SPACA7: variants seen among roughly 807,000 people sequenced by gnomAD.
The protein encoded by SPACA7 is sperm acrosome-associated protein 7.
A neutral mutation model predicts 26.3 loss-of-function variants in SPACA7; 19 were observed. The observed-to-expected ratio is 0.72, with a 90% CI of 0.50 to 1.06. The LOEUF (loss-of-function observed/expected upper bound fraction) is 1.06, where lower values mean the gene tolerates loss of function less well. Among genes scored for constraint, SPACA7 ranks in the 50% least tolerant of loss-of-function variants. The pLI is 0.00. For missense variants in SPACA7, 211 were observed against 229.9 expected, an observed-to-expected ratio of 0.92 and a Z score of 0.53; for synonymous variants, 84 against 84.5, an observed-to-expected ratio of 0.99 and a Z score of 0.04.
chr13:112,403,040 T>C (rs1043648871), intron 5 of SPACA7, among the ~76,000 whole-genome samples: 27 of 152,182 alleles, frequency 1.8e-4, no homozygotes, highest in Middle Eastern at 3.4e-3. Context: ...TTTCTTTCCT[T>C]TTTGGTTCTT....
chr13:112,418,969 A>G (rs1251020099), intron 5 of SPACA7, among the ~76,000 whole-genome samples: 1 of 151,832 alleles, frequency 6.6e-6, no homozygotes, highest in African/African-American at 2.4e-5. Context: ...GTTGCAGTGA[A>G]CTGAGATCAT....
intron 4 of SPACA7, among the ~76,000 whole-genome samples, chr13:112,399,731 C>T (rs1566468588): frequency 6.6e-6 from 1 of 152,328 alleles, no homozygotes; most frequent in Admixed American, 6.5e-5. Context: ...GTATATGAGT[C>T]CATTCTCACA....
At chr13:112,416,845 C>T (rs1001281919) in intron 5 of SPACA7, among the ~76,000 whole-genome samples, 3 of 130,612 alleles carry the variant, frequency 2.3e-5, no homozygotes, top group African/African-American at 8.0e-5. Flanking sequence ...TCCACCTTCA[C>T]CATCACTGTT....
chr13:112,388,517 A>G (rs964410177), intron 1 of SPACA7, among the ~76,000 whole-genome samples: 2 of 152,188 alleles, frequency 1.3e-5, no homozygotes, highest in African/African-American at 4.8e-5. Context: ...CCCTAGTCCA[A>G]GAGAACTAGG....
chr13:112,409,809 G>A (rs145887028), intron 5 of SPACA7, among the ~76,000 whole-genome samples: 2,718 of 152,258 alleles, frequency 0.018, 38 homozygotes, highest in Middle Eastern at 0.027. Context: ...TCAGTGTGGC[G>A]ATTCCTCAAG....
chr13:112,400,118 CTG>C (rs1205362021), intron 4 of SPACA7, among the ~76,000 whole-genome samples: 1 of 152,004 alleles, frequency 6.6e-6, no homozygotes, highest in Non-Finnish European at 1.5e-5. Context: ...TGTAGGACAT[CTG>C]TGGTGTTCCC....
chr13:112,392,915 C>T, intron 1 of SPACA7, 106 bp from the exon 2 acceptor site: 2 of 877,396 alleles, frequency 2.3e-6, no homozygotes, highest in South Asian at 1.9e-5. Context: ...GGGCTCCTTC[C>T]TCTAGAGGGG....
intron 5 of SPACA7, among the ~76,000 whole-genome samples, chr13:112,413,459 C>A (rs1453377814): frequency 1.3e-5 from 2 of 150,858 alleles, no homozygotes; most frequent in Non-Finnish European, 2.9e-5. Context: ...CCAGATGTAT[C>A]AGAGCTTCTT....
intron 1 of SPACA7, among the ~76,000 whole-genome samples, chr13:112,381,494 CAA>C (rs35147413): frequency 0.25 from 10,836 of 43,920 alleles, 885 homozygotes; most frequent in East Asian, 0.43. Context: ...CCCTGTCCCC[CAA>C]AAAAAAAAAA....
intron 2 of SPACA7, among the ~76,000 whole-genome samples, chr13:112,396,414 TTGG>T (rs1162220688): frequency 1.3e-5 from 2 of 152,164 alleles, no homozygotes; most frequent in African/African-American, 4.8e-5. Flanking sequence ...CCATCTGCCC[TTGG>T]TGGAAGCTCT....
intron 1 of SPACA7, among the ~76,000 whole-genome samples, chr13:112,386,537 T>C (rs1293152873): frequency 1.3e-5 from 2 of 152,112 alleles, no homozygotes; most frequent in Non-Finnish European, 2.9e-5. Context: ...TGGTGCCTCC[T>C]CTGTTTTTCC....
intron 5 of SPACA7, 32 bp downstream of exon 5, chr13:112,401,196 G>A: frequency 6.4e-7 from 1 of 1,556,426 alleles, no homozygotes; most frequent in Non-Finnish European, 8.9e-7. Context: ...TGAGAGCTCT[G>A]TGGGAGAGAC....
intron 5 of SPACA7, among the ~76,000 whole-genome samples, chr13:112,426,923 A>G (rs1876592208): frequency 6.6e-6 from 1 of 152,154 alleles, no homozygotes; most frequent in Admixed American, 6.5e-5. Flanking sequence ...GCAATGTTGA[A>G]TGTTGAATAG....
intron 1 of SPACA7, among the ~76,000 whole-genome samples, chr13:112,381,941 C>T (rs1884098079): frequency 6.6e-6 from 1 of 152,176 alleles, no homozygotes; most frequent in African/African-American, 2.4e-5. Context: ...TTGTGGCCTC[C>T]AGCTGCATAA....
At chr13:112,405,687 T>C (rs2138980277) in intron 5 of SPACA7, among the ~76,000 whole-genome samples, 1 of 152,328 alleles carries the variant, frequency 6.6e-6, no homozygotes, top group Admixed American at 6.5e-5. Flanking sequence ...AACAACCTTT[T>C]GATTATGTTG....
intron 6 of SPACA7, 128 bp from the exon 7 acceptor site, chr13:112,434,357 G>A (rs1185791337): frequency 2.6e-6 from 2 of 763,828 alleles, no homozygotes; most frequent in Non-Finnish European, 4.4e-6. Context: ...ACATCCGCAG[G>A]GCTCTCCCCT....
At chr13:112,415,396 A>G (rs182824796) in intron 5 of SPACA7, among the ~76,000 whole-genome samples, 1 of 152,348 alleles carries the variant, frequency 6.6e-6, no homozygotes, top group East Asian at 1.9e-4. Flanking sequence ...CCAGTGGTGA[A>G]GCCAGCCAGG....
chr13:112,426,972 C>T (rs897281593), intron 5 of SPACA7, among the ~76,000 whole-genome samples: 7 of 152,126 alleles, frequency 4.6e-5, no homozygotes, highest in African/African-American at 1.7e-4. Flanking sequence ...AGAGTGAAAG[C>T]ATTTGGTCAT....
chr13:112,429,540 A>G (rs1876862714), intron 5 of SPACA7, among the ~76,000 whole-genome samples: 1 of 152,086 alleles, frequency 6.6e-6, no homozygotes, highest in African/African-American at 2.4e-5. Flanking sequence ...TTGTGTCTTT[A>G]GGGGGGTTTC....
Sources: gnomAD v4.1 joint callset for allele counts (sites outside exome capture counted in the v4.1 genomes callset) on GRCh38, gnomAD v4.1.1 for gene constraint, MANE v1.5 for transcripts, NCBI Gene and HGNC (gene_info 2026-07-23, HGNC 2026-07-21) for gene names.